Variants in SHROOM4 observed in about 807,000 individuals in gnomAD.
SHROOM4 encodes the protein shroom family member 4.
A neutral mutation model predicts 80.3 loss-of-function variants in SHROOM4; 17 were observed. The observed-to-expected ratio is 0.21, with a 90% CI of 0.14 to 0.32. The LOEUF (loss-of-function observed/expected upper bound fraction) is 0.32, where lower values mean the gene tolerates loss of function less well. Among genes scored for constraint, SHROOM4 ranks in the 10% least tolerant of loss-of-function variants. The pLI is 1.00. For missense variants in SHROOM4, 993 were observed against 1,140.3 expected (o/e 0.87, Z 1.86); for synonymous variants, 400 against 437.5 (o/e 0.91, Z 1.07).
chrX:50,598,203 G>T, intron 8 of SHROOM4, 63 bp downstream of exon 8: 1 of 1,186,924 alleles, frequency 8.4e-7, no homozygotes, highest in South Asian at 1.8e-5. Flanking sequence ...CTTGAAAGAG[G>T]GAGCCCTGAG....
In SHROOM4 at chrX:50,588,665, A is replaced by G. The variant is rs1557245114; in HGVS notation, c.*8030T>C. Among the ~76,000 whole-genome samples the G allele has an allele frequency of 8.9e-6, 1 of 112,438 alleles. No homozygotes were observed. Among genetic ancestry groups the G allele is most frequent in the African/African-American group, 3.2e-5 (1 of 30,967 alleles). On this transcript the variant is annotated 3_prime_UTR_variant, in exon 9 of 9. Coordinates refer to ENST00000376020, the MANE Select transcript of SHROOM4 (RefSeq NM_020717.5). ...AAGTGACTTCCAAGGTCACATTAAC[A>G]GAGCTGTCTGACTCCAAAGCTGAAG...
intron 1 of SHROOM4, among the ~76,000 whole-genome samples, chrX:50,757,934 T>C (rs1935072154): frequency 9.0e-6 from 1 of 111,575 alleles, no homozygotes; most frequent in Admixed American, 9.6e-5. Flanking sequence ...TTCACAAACA[T>C]GGGATATCTT....
intron 2 of SHROOM4, among the ~76,000 whole-genome samples, chrX:50,654,201 C>A (rs1932221501): frequency 9.0e-6 from 1 of 111,547 alleles, no homozygotes; most frequent in Admixed American, 9.5e-5. Flanking sequence ...GAGGGCAATT[C>A]TTGAATCACA....
intron 1 of SHROOM4, among the ~76,000 whole-genome samples, chrX:50,789,580 G>A (rs1557271361): frequency 9.1e-6 from 1 of 110,432 alleles, no homozygotes; most frequent in Non-Finnish European, 1.9e-5. Flanking sequence ...TACACCTCAA[G>A]AAACTAGAAA....
At chrX:50,630,395 G>A (rs1931003830) in intron 4 of SHROOM4, among the ~76,000 whole-genome samples, 1 of 111,327 alleles carries the variant, frequency 9.0e-6, no homozygotes, top group African/African-American at 3.3e-5. Context: ...AGTCTTAAAT[G>A]TGTTACATCA....
At chrX:50,586,570 G>A (rs1928763621), downstream of SHROOM4, among the ~76,000 whole-genome samples, 1 of 111,870 alleles carries the variant, frequency 8.9e-6, no homozygotes, top group African/African-American at 3.3e-5. Flanking sequence ...CACTGCTCAG[G>A]AGGAGAGGAG....
chrX:50,777,800 G>A lies in SHROOM4; in HGVS notation c.117+36102C>T, dbSNP rs533933439. 8.0e-5 allele frequency among the ~76,000 whole-genome samples: 9 copies of A among 112,301 alleles called. No individual in the cohort carries two copies. The South Asian group carries it at 3.3e-3, about 41-fold the overall frequency. On this transcript the variant is annotated intron_variant, in intron 1 of 8. Coordinates refer to ENST00000376020, the MANE Select transcript of SHROOM4 (RefSeq NM_020717.5). ...CTTTTTCTCATAAATGGTTGAAGTTGCTGCTTTCATTTGTAAAATGGGTGT... is the reference window on the plus strand; with the variant it reads ...CTTTTTCTCATAAATGGTTGAAGTTACTGCTTTCATTTGTAAAATGGGTGT...
intron 1 of SHROOM4, among the ~76,000 whole-genome samples, chrX:50,783,374 A>C (rs1365320303): frequency 8.9e-6 from 1 of 112,082 alleles, no homozygotes; most frequent in Non-Finnish European, 1.9e-5. Context: ...CAAAAGATGT[A>C]CATGACCTAG....
At chrX:50,750,925 A>T (rs1353342777) in intron 1 of SHROOM4, among the ~76,000 whole-genome samples, 3 of 112,202 alleles carry the variant, frequency 2.7e-5, no homozygotes, top group African/African-American at 9.7e-5. Context: ...AGATTTGACA[A>T]AACATTAACG....
intron 1 of SHROOM4, among the ~76,000 whole-genome samples, chrX:50,747,242 T>C (rs1179807202): frequency 2.7e-5 from 3 of 112,353 alleles, no homozygotes; most frequent in Admixed American, 9.4e-5. Flanking sequence ...ATTCCAACTA[T>C]ATGGCTTTTC....
At chrX:50,689,420 CTTGCCTTT>C (rs1214849071) in intron 2 of SHROOM4, among the ~76,000 whole-genome samples, 1 of 111,922 alleles carries the variant, frequency 8.9e-6, no homozygotes, top group African/African-American at 3.2e-5. Flanking sequence ...TCAATTGTAT[CTTGCCTTT>C]TTGTAAGAAA....
chrX:50,766,936 A>G (rs1463142381), intron 1 of SHROOM4, among the ~76,000 whole-genome samples: 2 of 112,003 alleles, frequency 1.8e-5, no homozygotes, highest in Non-Finnish European at 3.8e-5. Context: ...GCAAATTATG[A>G]CACTAAAAAA....
At position 50,596,781 on chromosome X, in the gene SHROOM4, G is replaced by T. The variant is rs144456581; in HGVS notation, c.4396C>A (p.Arg1466=). 5.0e-6 allele frequency: 6 copies of T among 1,211,463 alleles called. No homozygotes were observed. The highest frequency in any genetic ancestry group is 6.7e-6 in the Non-Finnish European group (6 of 895,215). Residue 1466 remains arginine (R), a synonymous_variant, in exon 9 of 9, where the codon CGA becomes AGA. Transcript: ENST00000376020. ...AGCTTGATCTTCTCCTCCAGCTCTC[G>T]CTGTTCAATGATGAGAGCAGATTTC... ...KMKSALIIEQ[R]ELEEKIKLGE...
At position 50,735,612 on chromosome X, in the gene SHROOM4, A is replaced by G. The variant is rs989390174; in HGVS notation, c.118-39675T>C. Among the ~76,000 whole-genome samples, 167 of 111,801 alleles carry G rather than the reference A, an allele frequency of 1.5e-3. 2 individuals carry two copies. The highest frequency in any genetic ancestry group is 4.6e-3 in the Middle Eastern group (1 of 216). On this transcript the variant is annotated intron_variant, in intron 1 of 8. Coordinates refer to ENST00000376020, the MANE Select transcript of SHROOM4 (RefSeq NM_020717.5). ...GATATGTAAAGAAAATTAGAACTCA[A>G]TGATAAAGAGAAAAACAAGTCAATG...
At chrX:50,708,144 T>C (rs1933724490) in intron 1 of SHROOM4, among the ~76,000 whole-genome samples, 1 of 112,201 alleles carries the variant, frequency 8.9e-6, no homozygotes, top group African/African-American at 3.2e-5. Context: ...GTTGAGACAG[T>C]GGACAAAGGC....
At chrX:50,811,403 C>T (rs1465715552) in intron 1 of SHROOM4, among the ~76,000 whole-genome samples, 2 of 109,846 alleles carry the variant, frequency 1.8e-5, no homozygotes, top group African/African-American at 6.6e-5. Context: ...ATGCCTAGAC[C>T]CAGGTAGGGC....
chrX:50,598,342 A>G lies in SHROOM4; in HGVS notation c.4136T>C (p.Leu1379Ser), dbSNP rs782043164. 1 of 1,209,236 alleles carries G rather than the reference A, an allele frequency of 8.3e-7. No homozygotes were observed. Among genetic ancestry groups the G allele is most frequent in the East Asian group, 3.0e-5 (1 of 33,736 alleles). ...GGCCAGTCGTCCAGAGAGTGACAGC[A>G]ACAGGTTGACCACTTTGTCCAGGTC... Reference protein sequence around the residue: ...VGDLDKVVNLLLSLSGRLARV... With the variant: ...VGDLDKVVNLSLSLSGRLARV... Residue 1379 changes from leucine (L) to serine (S), a missense_variant, in exon 8 of 9, where the codon TTG becomes TCG. Coordinates refer to ENST00000376020, the MANE Select transcript of SHROOM4 (RefSeq NM_020717.5).
chrX:50,710,146 A>G (rs947579574), intron 1 of SHROOM4, among the ~76,000 whole-genome samples: 17 of 111,955 alleles, frequency 1.5e-4, no homozygotes, highest in African/African-American at 5.5e-4. Flanking sequence ...TAAAACTACC[A>G]TTCGACCCAG....
At chrX:50,691,601 C>T (rs1236847648) in intron 2 of SHROOM4, among the ~76,000 whole-genome samples, 1 of 111,553 alleles carries the variant, frequency 9.0e-6, no homozygotes, top group Non-Finnish European at 1.9e-5. Context: ...ATTATCTAGA[C>T]AGCAATATAG....
Sources: allele counts gnomAD v4.1 joint callset (sites outside exome capture counted in the v4.1 genomes callset), GRCh38; gene constraint gnomAD v4.1.1; transcripts MANE v1.5; gene names NCBI Gene and HGNC (gene_info 2026-07-23, HGNC 2026-07-21).